Variants in PLXNA4 observed in about 807,000 individuals in gnomAD.
The protein encoded by PLXNA4 is plexin A4.
PLXNA4 carries 44 observed loss-of-function variants against 191.8 expected under a neutral mutation model. The ratio of observed to expected loss-of-function variants is 0.23; its 90% CI spans 0.18 to 0.29. The LOEUF is 0.29. Ranked by LOEUF, PLXNA4 falls within the 10% of genes least tolerant of loss-of-function variation. The pLI is 1.00. For missense variants in PLXNA4, 1,800 were observed against 2,488.8 expected (o/e 0.72, Z 5.89); for synonymous variants, 1,082 against 1,009.5 (o/e 1.07, Z -1.36).
At chr7:132,154,408 G>A (rs978970464) in intron 25 of PLXNA4, among the ~76,000 whole-genome samples, 3 of 71,648 alleles carry the variant, frequency 4.2e-5, no homozygotes, top group Non-Finnish European at 3.5e-5. Context: ...ATCTAAAAAC[G>A]TTCTGTTTTT....
At position 132,508,856 on chromosome 7, in the gene PLXNA4, T is replaced by C. The variant is rs1798594479; in HGVS notation, c.-86-77A>G. ...CACCCCACAGCTTGTCTGCCTGGACTTTCAAAATGTTCTGCACACACTGAG... is the reference window on the plus strand; with the variant it reads ...CACCCCACAGCTTGTCTGCCTGGACCTTCAAAATGTTCTGCACACACTGAG... On this transcript the variant is annotated intron_variant, in intron 1 of 31. Coordinates refer to ENST00000321063, the MANE Select transcript of PLXNA4 (RefSeq NM_020911.2). The surrounding 1 kb of genome is among the most constrained non-coding windows in gnomAD (Gnocchi z 4.4). 7.4e-6 allele frequency: 10 copies of C among 1,346,890 alleles called. No individual in the cohort carries two copies. The highest frequency in any genetic ancestry group is 9.8e-6 in the Non-Finnish European group (10 of 1,021,638). The allele number at this position is 1,346,890 out of a possible 1,614,324, so 83.4% of individuals were successfully genotyped here.
Position 132,508,612 on chromosome 7 carries a change from G to A in PLXNA4, c.82C>T (p.Arg28Trp), listed in dbSNP as rs113830939. 3.9e-3 allele frequency: 6,344 copies of A among 1,611,330 alleles called. 173 individuals carry two copies. The African/African-American group carries it at 0.067, about 17-fold the overall frequency. The change falls in exon 2 of 32, where the codon CGG (arginine) becomes TGG (tryptophan). Residue 28 changes from arginine to tryptophan, a missense_variant. By Grantham distance (101) the Arg-to-Trp change is moderately radical. This residue lies in a region of PLXNA4 where 1,397 missense variants were observed against 1,880.4 expected (regional missense o/e 0.74). Transcript: ENST00000321063. This position sits in a 1 kb window ranked among gnomAD's most constrained non-coding sequence, Gnocchi z 4.4. ...TTCTGGGACAGCGGGGCTGGCTGCC[G>A]GGTGAGCAAAGTGGAGGAGCCCATG... ...VGMGSSTLLTRQPAPLSQKQR... is the reference protein window; with the variant it reads ...VGMGSSTLLTWQPAPLSQKQR...
intron 3 of PLXNA4, among the ~76,000 whole-genome samples, chr7:132,392,210 G>A (rs1723901863): frequency 6.6e-6 from 1 of 152,102 alleles, no homozygotes; most frequent in Admixed American, 6.5e-5. Flanking sequence ...TGTCCTACTA[G>A]AACATAAGTT....
At chr7:132,509,573 C>T (rs1798625750) in intron 1 of PLXNA4, among the ~76,000 whole-genome samples, 1 of 152,132 alleles carries the variant, frequency 6.6e-6, no homozygotes, top group African/African-American at 2.4e-5. Context: ...AGAGGTAGCT[C>T]CAAATATGAG....
At position 132,508,319 on chromosome 7, in the gene PLXNA4, G is replaced by T. The variant is rs771230316; in HGVS notation, c.375C>A (p.Asn125Lys). ...NKMLLIDYKE[N>K]RLIACGSLYQ... The stretch of plus-strand genomic sequence containing the variant: ...ACAGGCTCCCACAGGCAATCAGCCT[G>T]TTCTCCTTGTAGTCTATGAGGAGCA... Residue 125 changes from asparagine to lysine, a missense_variant, in exon 2 of 32, where the codon AAC becomes AAA. Asn to Lys is a moderately conservative substitution (Grantham distance 94, BLOSUM62 0). Transcript: ENST00000321063. The surrounding 1 kb of genome is among the most constrained non-coding windows in gnomAD (Gnocchi z 4.4). 5 of 1,614,220 alleles carry T rather than the reference G, an allele frequency of 3.1e-6. No individual in the cohort carries two copies. The highest frequency in any genetic ancestry group is 1.1e-5 in the South Asian group (1 of 91,086).
At chr7:132,578,294 T>C (rs1172773755), upstream of PLXNA4, among the ~76,000 whole-genome samples, 1 of 152,138 alleles carries the variant, frequency 6.6e-6, no homozygotes, top group Non-Finnish European at 1.5e-5. Context: ...AAGTGGCACC[T>C]TCAGCAGAGT....
chr7:132,579,543 A>G (rs1802363233), upstream of PLXNA4, among the ~76,000 whole-genome samples: 1 of 132,766 alleles, frequency 7.5e-6, no homozygotes, highest in South Asian at 2.4e-4. Context: ...TTTTTTTTCC[A>G]GAGGTGGCAA....
intron 3 of PLXNA4, among the ~76,000 whole-genome samples, chr7:132,325,992 G>A (rs557364683): frequency 6.6e-6 from 1 of 152,156 alleles, no homozygotes. Context: ...TGGGCTGCAG[G>A]GTGCCCAGAC....
intron 3 of PLXNA4, among the ~76,000 whole-genome samples, chr7:132,440,784 A>G (rs1795671274): frequency 6.6e-6 from 1 of 152,196 alleles, no homozygotes; most frequent in South Asian, 2.1e-4. Flanking sequence ...GCCCACAAGT[A>G]AAATGTTTTT....
At chr7:132,575,557 G>A (rs1012988718) in intron 1 of PLXNA4, among the ~76,000 whole-genome samples, 26 of 152,208 alleles carry the variant, frequency 1.7e-4, no homozygotes, top group African/African-American at 5.8e-4. Context: ...GGGGAAGGCA[G>A]CCCCATGTGC....
chr7:132,349,269 C>T (rs905819010), intron 3 of PLXNA4, among the ~76,000 whole-genome samples: 1 of 152,116 alleles, frequency 6.6e-6, no homozygotes, highest in Non-Finnish European at 1.5e-5. Context: ...ATAGAAGCCA[C>T]GTCACTCCCT....
At chr7:132,342,946 C>CAAAAA (rs370055779) in intron 3 of PLXNA4, among the ~76,000 whole-genome samples, 4 of 102,416 alleles carry the variant, frequency 3.9e-5, no homozygotes, top group Non-Finnish European at 6.0e-5. Context: ...GACTCTGCCT[C>CAAAAA]AAAAAAAAAA....
At chr7:132,490,423 C>G (rs902899090) in intron 2 of PLXNA4, among the ~76,000 whole-genome samples, 16 of 110,520 alleles carry the variant, frequency 1.4e-4, no homozygotes, top group African/African-American at 5.9e-4. Context: ...CCTTTTCTTC[C>G]TTTTTTTTTT....
At chr7:132,584,248 A>G (rs1802465296) in intron 2 of PLXNA4, among the ~76,000 whole-genome samples, 1 of 151,964 alleles carries the variant, frequency 6.6e-6, no homozygotes, top group East Asian at 1.9e-4. Flanking sequence ...ATTAATATGG[A>G]CTCTTTCTAT....
At chr7:132,232,804 A>T (rs1798567286) in intron 5 of PLXNA4, among the ~76,000 whole-genome samples, 2 of 152,166 alleles carry the variant, frequency 1.3e-5, no homozygotes, top group Admixed American at 1.3e-4. Context: ...TCTAGAAATT[A>T]ATTCCCAAAT....
chr7:132,594,953 A>T lies in PLXNA4; in HGVS notation c.-87+50975T>A, dbSNP rs1049733551. Among the ~76,000 whole-genome samples, 104 of 121,436 alleles carry T rather than the reference A, an allele frequency of 8.6e-4. 1 individual carries two copies. Among genetic ancestry groups the T allele is most frequent in the African/African-American group, 2.4e-3 (82 of 33,740 alleles). 79.7% of individuals were successfully genotyped at this position (121,436 alleles called of 152,430 possible). A position where few individuals can be genotyped will look rare whatever the true frequency, so the allele number is the denominator to read the frequency against. On this transcript the variant is annotated intron_variant, in intron 2 of 4. Coordinates refer to the PLXNA4 transcript ENST00000378539. The stretch of plus-strand genomic sequence containing the variant: ...TAGATAGATAGATAGATAGATAGAT[A>T]GATAGATAGATAATTGATAGATAAT...
At chr7:132,606,716 C>T (rs567446169) in intron 2 of PLXNA4, among the ~76,000 whole-genome samples, 1 of 152,280 alleles carries the variant, frequency 6.6e-6, no homozygotes, top group South Asian at 2.1e-4. Context: ...CAGTTTTACA[C>T]GTAACTCTCT....
At chr7:132,314,797 C>T (rs1245866600) in intron 3 of PLXNA4, among the ~76,000 whole-genome samples, 1 of 152,214 alleles carries the variant, frequency 6.6e-6, no homozygotes, top group East Asian at 1.9e-4. Context: ...GATGGAAAGA[C>T]TTCTTTGTTC....
intron 3 of PLXNA4, among the ~76,000 whole-genome samples, chr7:132,356,114 T>C (rs773405531): frequency 5.3e-5 from 8 of 152,188 alleles, no homozygotes; most frequent in Non-Finnish European, 7.4e-5. Context: ...ACTTTACTCA[T>C]ACAAGGTGAA....
Sources: allele counts gnomAD v4.1 joint callset (sites outside exome capture counted in the v4.1 genomes callset), GRCh38; gene constraint gnomAD v4.1.1; regional missense constraint gnomAD v4.1.1; non-coding constraint Gnocchi (gnomAD v3.1); transcripts MANE v1.5; gene names NCBI Gene and HGNC (gene_info 2026-07-23, HGNC 2026-07-21).